Variants in ATP11C observed in about 807,000 individuals in gnomAD.
ATP11C encodes the protein ATPase phospholipid transporting 11C (ATP11C blood group), also known as phospholipid-transporting ATPase IG.
In ATP11C, 36 loss-of-function variants were observed where a neutral mutation model predicts 97.4. That is an observed-to-expected ratio of 0.37 (90% CI 0.28 to 0.49). ATP11C has a LOEUF of 0.49. Ranked by LOEUF, ATP11C falls within the 20% of genes least tolerant of loss-of-function variation. ATP11C has a pLI of 0.98. For synonymous variants in ATP11C, 275 were observed against 290.9 expected (o/e 0.95, Z 0.56); for missense variants, 730 against 824.6 (o/e 0.89, Z 1.40).
chrX:139,869,253 C>T (rs1000824248), intron 1 of ATP11C, among the ~76,000 whole-genome samples: 1 of 111,587 alleles, frequency 9.0e-6, no homozygotes, highest in Non-Finnish European at 1.9e-5. Flanking sequence ...ATAAAGAAAA[C>T]GTGGTATATT....
chrX:139,895,418 G>A (rs2084790210), intron 1 of ATP11C, among the ~76,000 whole-genome samples: 4 of 110,935 alleles, frequency 3.6e-5, no homozygotes, highest in Middle Eastern at 4.7e-3. Context: ...TTACAGGTGC[G>A]CACCACCACA....
At chrX:139,757,557 TAA>T (rs1201304305) in intron 23 of ATP11C, among the ~76,000 whole-genome samples, 1 of 111,629 alleles carries the variant, frequency 9.0e-6, no homozygotes, top group African/African-American at 3.3e-5. Context: ...TATACATTGA[TAA>T]AAAGAAAAAA....
intron 1 of ATP11C, among the ~76,000 whole-genome samples, chrX:139,891,585 A>T: frequency 9.0e-6 from 1 of 111,267 alleles, no homozygotes; most frequent in East Asian, 2.8e-4. Context: ...GCTCTCTCTC[A>T]CTCACACACA....
chrX:139,905,961 A>C (rs898613150), intron 1 of ATP11C, among the ~76,000 whole-genome samples: 7 of 111,129 alleles, frequency 6.3e-5, no homozygotes, highest in Admixed American at 1.9e-4. Flanking sequence ...GACCATAAAT[A>C]ATTTCTACCC....
At chrX:139,924,757 C>A (rs757753476) in intron 1 of ATP11C, among the ~76,000 whole-genome samples, 1 of 111,708 alleles carries the variant, frequency 9.0e-6, no homozygotes, top group Admixed American at 9.5e-5. Flanking sequence ...ACATTTCACA[C>A]AAGTTGTCAA....
chrX:139,904,903 G>A (rs974742191), intron 1 of ATP11C, among the ~76,000 whole-genome samples: 3 of 112,147 alleles, frequency 2.7e-5, no homozygotes, highest in Non-Finnish European at 3.8e-5. Flanking sequence ...TAAGGAGTCT[G>A]AATCGTGCTC....
In ATP11C at chrX:139,727,735, T is replaced by C. The variant is rs1002057238; in HGVS notation, c.*1231A>G. ...TATCCAAAAAAGTATGTGTTTAACA[T>C]TGAATGAAGACATTTCACATTTATG... On this transcript the variant is annotated 3_prime_UTR_variant, in exon 30 of 30. Transcript: ENST00000682941. 9.8e-5 allele frequency: 11 copies of C among 111,911 alleles called. No homozygotes were observed. The highest frequency in any genetic ancestry group is 1.9e-4 in the Non-Finnish European group (10 of 53,004). The allele number at this position is 111,911 out of a possible 1,213,427, so 9.2% of individuals were successfully genotyped here.
intron 1 of ATP11C, among the ~76,000 whole-genome samples, chrX:139,911,479 T>C: frequency 8.9e-6 from 1 of 112,004 alleles, no homozygotes; most frequent in Non-Finnish European, 1.9e-5. Flanking sequence ...ATAGCAAGTG[T>C]TGAGAAAATA....
chrX:139,853,833 C>CAAAAAAAAAAAAA, intron 1 of ATP11C, among the ~76,000 whole-genome samples: 1 of 21,270 alleles, frequency 4.7e-5, no homozygotes, highest in Non-Finnish European at 8.2e-5. Context: ...TATCCTAAGT[C>CAAAAAAAAAAAAA]AAAAAAAAAA....
chrX:139,870,405 A>G (rs987435865), intron 1 of ATP11C, among the ~76,000 whole-genome samples: 8 of 112,282 alleles, frequency 7.1e-5, no homozygotes, highest in South Asian at 3.6e-4. Context: ...TTATTTTTAC[A>G]CTGGCTTTTT....
chrX:139,805,527 T>G (rs1428220034), intron 5 of ATP11C, among the ~76,000 whole-genome samples: 1 of 112,401 alleles, frequency 8.9e-6, no homozygotes, highest in Non-Finnish European at 1.9e-5. Context: ...TCCCAACTTA[T>G]GAAGAGTCAT....
chrX:139,882,608 C>T (rs1197425231), intron 1 of ATP11C, among the ~76,000 whole-genome samples: 1 of 111,253 alleles, frequency 9.0e-6, no homozygotes, highest in Non-Finnish European at 1.9e-5. Context: ...ACTGCACTGC[C>T]GTCTGGAAAC....
chrX:139,917,893 T>C (rs983927950), intron 1 of ATP11C, among the ~76,000 whole-genome samples: 4 of 97,878 alleles, frequency 4.1e-5, no homozygotes, highest in East Asian at 3.2e-4. Context: ...GAAGCAGAGA[T>C]TGCAGTGAGC....
intron 1 of ATP11C, among the ~76,000 whole-genome samples, chrX:139,920,111 G>A (rs1483557101): frequency 1.8e-5 from 2 of 110,932 alleles, no homozygotes; most frequent in African/African-American, 3.3e-5. Flanking sequence ...TATAATCCCA[G>A]CACTTTGGGA....
At chrX:139,898,497 G>C (rs1442015954) in intron 1 of ATP11C, among the ~76,000 whole-genome samples, 1 of 111,553 alleles carries the variant, frequency 9.0e-6, no homozygotes, top group East Asian at 2.8e-4. Flanking sequence ...GAGGCAATCA[G>C]ATTCCAGGAG....
intron 1 of ATP11C, among the ~76,000 whole-genome samples, chrX:139,853,689 A>C (rs1315264845): frequency 1.8e-5 from 2 of 110,137 alleles, no homozygotes; most frequent in East Asian, 5.7e-4. Context: ...CTTATCAAAA[A>C]TCCTTAACCC....
intron 25 of ATP11C, 121 bp from the exon 26 acceptor site, chrX:139,743,745 T>A (rs2081620983): frequency 2.4e-6 from 1 of 412,127 alleles, no homozygotes; most frequent in Non-Finnish European, 4.2e-6. Context: ...TTTGTATGAA[T>A]TGTTTAGGGA....
At chrX:139,810,000 T>G (rs1349920159) in intron 5 of ATP11C, among the ~76,000 whole-genome samples, 2 of 111,632 alleles carry the variant, frequency 1.8e-5, no homozygotes, top group East Asian at 5.6e-4. Context: ...GTTTATTTTA[T>G]ATATTTTATT....
chrX:139,763,293 C>A, intron 21 of ATP11C, 23 bp downstream of exon 21: 1 of 1,111,448 alleles, frequency 9.0e-7, no homozygotes, highest in African/African-American at 1.8e-5. Context: ...TTCACAGCTG[C>A]CATCTCATTA....
Sources: gnomAD v4.1 joint callset for allele counts (sites outside exome capture counted in the v4.1 genomes callset) on GRCh38, gnomAD v4.1.1 for gene constraint, MANE v1.5 for transcripts, NCBI Gene and HGNC (gene_info 2026-07-23, HGNC 2026-07-21) for gene names.